Variants in FIP1L1 observed in about 807,000 individuals in gnomAD.
FIP1L1 encodes the protein factor interacting with PAPOLA and CPSF1.
In FIP1L1, 21 loss-of-function variants were observed where a neutral mutation model predicts 84.6. The observed-to-expected ratio is 0.25, with a 90% CI of 0.18 to 0.36. FIP1L1 has a LOEUF of 0.36. Among genes scored for constraint, FIP1L1 ranks in the 10% least tolerant of loss-of-function variants. The pLI is 1.00. For missense variants in FIP1L1, 526 were observed against 751.1 expected (o/e 0.70, Z 3.50); for synonymous variants, 263 against 242.3 (o/e 1.09, Z -0.80).
chr4:53,437,326 CAAAAAAAAAAAAAAAA>C (rs55957570), intron 13 of FIP1L1, among the ~76,000 whole-genome samples: 5 of 64,512 alleles, frequency 7.8e-5, no homozygotes, highest in Non-Finnish European at 8.5e-5. Context: ...CTGTCTCAAC[CAAAAAAAAAAAAAAAA>C]AAAAAAAAAA....
intron 11 of FIP1L1, among the ~76,000 whole-genome samples, chr4:53,423,907 C>T (rs1763355268): frequency 6.6e-6 from 1 of 152,062 alleles, no homozygotes; most frequent in Non-Finnish European, 1.5e-5. Flanking sequence ...TTCCATGTGT[C>T]CCAGACTTTT....
intron 11 of FIP1L1, among the ~76,000 whole-genome samples, chr4:53,419,246 T>C (rs765782994): frequency 1.3e-5 from 2 of 152,156 alleles, no homozygotes; most frequent in Non-Finnish European, 2.9e-5. Flanking sequence ...GGTTTTTTTG[T>C]TTTGTTTTAA....
At chr4:53,453,621 G>A (rs1717298791) in intron 16 of FIP1L1, among the ~76,000 whole-genome samples, 2 of 152,106 alleles carry the variant, frequency 1.3e-5, no homozygotes, top group African/African-American at 4.8e-5. Flanking sequence ...CTCAGTGCCT[G>A]GCTTCAGAGT....
Position 53,460,014 on chromosome 4 carries a change from T to TTAA in FIP1L1, c.*569_*571dup, listed in dbSNP as rs1176346680. ...AATGGGGTACACTTTCATATCCAAA[T>TTAA]TAATAAAACCTATAAGGCATCTGGG... On this transcript the variant is annotated 3_prime_UTR_variant, in exon 18 of 18. Coordinates refer to ENST00000337488, the MANE Select transcript of FIP1L1 (RefSeq NM_030917.4). 1 of 208,364 alleles carries TTAA rather than the reference T, an allele frequency of 4.8e-6. No homozygotes were observed. Among genetic ancestry groups the TTAA allele is most frequent in the Non-Finnish European group, 9.7e-6 (1 of 102,852 alleles). The allele number at this position is 208,364 out of a possible 1,614,324, so 12.9% of individuals were successfully genotyped here.
chr4:53,396,934 T>C (rs1206000529), intron 9 of FIP1L1, among the ~76,000 whole-genome samples: 4 of 152,282 alleles, frequency 2.6e-5, no homozygotes, highest in South Asian at 2.1e-4. Context: ...AACAAAATTA[T>C]TGAAGCATAC....
Position 53,460,850 on chromosome 4 carries a change from T to A in FIP1L1, c.*1401T>A, listed in dbSNP as rs1469333140. On this transcript the variant is annotated 3_prime_UTR_variant, in exon 18 of 18. Coordinates refer to ENST00000337488, the MANE Select transcript of FIP1L1 (RefSeq NM_030917.4). The stretch of plus-strand genomic sequence containing the variant: ...AAAAACTGACAAGATAAATATAGTG[T>A]TTCAACTTCTTAGCCTATTTGTGAT... The A allele has an allele frequency of 2.1e-6, 3 of 1,463,040 alleles. No individual in the cohort carries two copies. In the African/African-American group the frequency reaches 4.3e-5, roughly 21 times the overall value. The allele number at this position is 1,463,040 out of a possible 1,614,324, so 90.6% of individuals were successfully genotyped here. A position where few individuals can be genotyped will look rare whatever the true frequency, so the allele number is the denominator to read the frequency against.
intron 10 of FIP1L1, among the ~76,000 whole-genome samples, chr4:53,407,685 G>A (rs1754459878): frequency 6.6e-6 from 1 of 151,984 alleles, no homozygotes; most frequent in Admixed American, 6.6e-5. Flanking sequence ...TTATGATTCT[G>A]GGTGCATATA....
At chr4:53,396,039 C>T (rs556344762) in intron 9 of FIP1L1, among the ~76,000 whole-genome samples, 25 of 152,224 alleles carry the variant, frequency 1.6e-4, no homozygotes, top group African/African-American at 5.5e-4. Context: ...CTGCCTCAGC[C>T]GCCCGAGTAG....
intron 15 of FIP1L1, among the ~76,000 whole-genome samples, chr4:53,450,761 T>A (rs1715370623): frequency 6.6e-6 from 1 of 152,160 alleles, no homozygotes; most frequent in Admixed American, 6.5e-5. Flanking sequence ...TAATCTCCCA[T>A]GATCATGGTG....
rs758279280 is a variant in FIP1L1, at chr4:53,388,803, C to T, written c.333-1006C>T. 5.3e-5 allele frequency among the ~76,000 whole-genome samples: 8 copies of T among 152,096 alleles called. No homozygotes were observed. In the South Asian group the frequency reaches 6.2e-4, roughly 12 times the overall value. On this transcript the variant is annotated intron_variant, in intron 5 of 17. Coordinates refer to ENST00000337488, the MANE Select transcript of FIP1L1 (RefSeq NM_030917.4). ...AGAAGTAAAGAACTGTCTGTAACCC[C>T]GTATTACAGAAAATGTATACAAGGC...
chr4:53,377,759 C>A lies in FIP1L1; in HGVS notation c.-80C>A. 1 of 1,337,558 alleles carries A rather than the reference C, an allele frequency of 7.5e-7. No homozygotes were observed. Among genetic ancestry groups the A allele is most frequent in the South Asian group, 1.5e-5 (1 of 64,802 alleles). 82.9% of individuals were successfully genotyped at this position (1,337,558 alleles called of 1,614,324 possible). ...TTCGTCGGCGGGTTCGCGCCCTTCT[C>A]GCGCCTCGGGGCTGCGAGGCTGGGG... On this transcript the variant is annotated 5_prime_UTR_variant, in exon 1 of 18. Transcript: ENST00000337488.
rs182957541 is a variant in FIP1L1 at position 53,442,255 on chromosome 4, G to A, written c.1175-398G>A. 2.9e-3 allele frequency: 452 copies of A among 155,676 alleles called. 4 individuals are homozygous for A. Among genetic ancestry groups the A allele is most frequent in the African/African-American group, 8.0e-3 (335 of 41,626 alleles). 9.6% of individuals were successfully genotyped at this position (155,676 alleles called of 1,614,324 possible). ...GGAAATTTCTATACTTCTAAAACTCGAAATATTTTTTGAAAGAGGTAATTG... is the reference window on the plus strand; with the variant it reads ...GGAAATTTCTATACTTCTAAAACTCAAAATATTTTTTGAAAGAGGTAATTG... On this transcript the variant is annotated intron_variant, in intron 13 of 17. Transcript: ENST00000337488.
At chr4:53,447,805 T>C (rs1303467139) in intron 15 of FIP1L1, among the ~76,000 whole-genome samples, 1 of 152,094 alleles carries the variant, frequency 6.6e-6, no homozygotes, top group African/African-American at 2.4e-5. Context: ...GTACGGCTTA[T>C]ATCTATAGCC....
At chr4:53,431,568 G>GTAATGA (rs1368392434) in intron 13 of FIP1L1, among the ~76,000 whole-genome samples, 1 of 151,622 alleles carries the variant, frequency 6.6e-6, no homozygotes, top group Non-Finnish European at 1.5e-5. Context: ...GATAAGTATA[G>GTAATGA]TAATGATATT....
At chr4:53,458,103 G>C (rs533824264) in intron 16 of FIP1L1, among the ~76,000 whole-genome samples, 4 of 152,186 alleles carry the variant, frequency 2.6e-5, no homozygotes, top group African/African-American at 9.6e-5. Flanking sequence ...TGATGTCTCT[G>C]TTCTTTATTT....
intron 15 of FIP1L1, among the ~76,000 whole-genome samples, chr4:53,446,539 A>G (rs6833766): frequency 0.56 from 84,478 of 152,010 alleles, 25,322 homozygotes; most frequent in Non-Finnish European, 0.67. Flanking sequence ...ATCTCATGTT[A>G]GTAGCTTTGA....
At chr4:53,378,717 C>A in intron 1 of FIP1L1, 1 of 223,306 alleles carries the variant, frequency 4.5e-6, no homozygotes. Context: ...AGTCACAATC[C>A]CTTCTTGCTT....
intron 10 of FIP1L1, among the ~76,000 whole-genome samples, chr4:53,406,544 C>G (rs922247310): frequency 6.6e-6 from 1 of 152,084 alleles, no homozygotes; most frequent in Non-Finnish European, 1.5e-5. Flanking sequence ...AGGGAGGATT[C>G]CCTCTTTTTC....
chr4:53,430,575 A>G (rs182163578), intron 13 of FIP1L1, among the ~76,000 whole-genome samples: 5 of 151,940 alleles, frequency 3.3e-5, no homozygotes, highest in Non-Finnish European at 7.4e-5. Flanking sequence ...GACCTCAAGC[A>G]ATCTGCCCTC....
Sources: gnomAD v4.1 joint callset for allele counts (sites outside exome capture counted in the v4.1 genomes callset) on GRCh38, gnomAD v4.1.1 for gene constraint, MANE v1.5 for transcripts, NCBI Gene and HGNC (gene_info 2026-07-23, HGNC 2026-07-21) for gene names.